Variants in PPFIA1 observed in about 807,000 individuals in gnomAD.
The protein encoded by PPFIA1 is liprin-alpha-1.
A neutral mutation model predicts 149.9 loss-of-function variants in PPFIA1; 25 were observed. The observed-to-expected ratio is 0.17, with a 90% CI of 0.12 to 0.23. The LOEUF (loss-of-function observed/expected upper bound fraction) is 0.23. Among genes scored for constraint, PPFIA1 ranks in the 10% least tolerant of loss-of-function variants. The pLI is 1.00. For missense variants in PPFIA1, 1,362 were observed against 1,506.5 expected, an observed-to-expected ratio of 0.90 and a Z score of 1.59; for synonymous variants, 549 against 552.8, an observed-to-expected ratio of 0.99 and a Z score of 0.10.
chr11:70,282,070 G>C (rs577040549), intron 2 of PPFIA1, among the ~76,000 whole-genome samples: 2 of 151,240 alleles, frequency 1.3e-5, no homozygotes, highest in African/African-American at 2.4e-5. Flanking sequence ...TCATGACATT[G>C]TCCAGTTTCT....
rs142257051 is a variant in PPFIA1, at chr11:70,339,063, C to T, written c.1572-108C>T. On this transcript the variant is annotated intron_variant, in intron 13 of 27. Coordinates refer to ENST00000253925, the MANE Select transcript of PPFIA1 (RefSeq NM_003626.5). ...GAGAGCAGTGCCCTCCCTGGAGACC[C>T]TTTCCTGTGTGGAATAACTTTTCCA... 98 of 1,369,828 alleles carry T rather than the reference C, an allele frequency of 7.2e-5. No individual in the cohort carries two copies. In the East Asian group the frequency reaches 2.2e-3, roughly 31 times the overall value. 84.9% of individuals were successfully genotyped at this position (1,369,828 alleles called of 1,614,324 possible). A position where few individuals can be genotyped will look rare whatever the true frequency, so the allele number is the denominator to read the frequency against.
At chr11:70,304,039 G>C (rs933585005) in intron 2 of PPFIA1, among the ~76,000 whole-genome samples, 1 of 152,112 alleles carries the variant, frequency 6.6e-6, no homozygotes, top group African/African-American at 2.4e-5. Context: ...GAAAAAAGGA[G>C]TGGTCACTGG....
At chr11:70,290,882 A>G (rs1217542588) in intron 2 of PPFIA1, among the ~76,000 whole-genome samples, 1 of 152,092 alleles carries the variant, frequency 6.6e-6, no homozygotes, top group African/African-American at 2.4e-5. Context: ...TGAGCGATTG[A>G]TCTCTTGAAA....
chr11:70,289,065 T>TCAAGC (rs2051348503), intron 2 of PPFIA1, among the ~76,000 whole-genome samples: 1 of 150,846 alleles, frequency 6.6e-6, no homozygotes, highest in East Asian at 1.9e-4. Context: ...CCTCCCGGGT[T>TCAAGC]CAAGCAATTC....
chr11:70,272,732 A>G (rs373668773), intron 2 of PPFIA1, among the ~76,000 whole-genome samples: 1 of 152,138 alleles, frequency 6.6e-6, no homozygotes, highest in Non-Finnish European at 1.5e-5. Flanking sequence ...GAAGCAACCA[A>G]TCTATTTGGT....
At chr11:70,375,875 T>C (rs1375448171) in intron 24 of PPFIA1, among the ~76,000 whole-genome samples, 2 of 152,136 alleles carry the variant, frequency 1.3e-5, no homozygotes, top group Non-Finnish European at 2.9e-5. Context: ...CTTGTTAATA[T>C]GACTCCAAGG....
intron 19 of PPFIA1, chr11:70,358,707 C>T (rs146544175): frequency 6.6e-6 from 1 of 152,346 alleles, no homozygotes; most frequent in African/African-American, 2.4e-5. Flanking sequence ...CAGCCAGATG[C>T]TTTCACTTAC....
intron 19 of PPFIA1, among the ~76,000 whole-genome samples, chr11:70,361,043 G>T (rs1272102688): frequency 6.6e-6 from 1 of 152,198 alleles, no homozygotes; most frequent in East Asian, 1.9e-4. Flanking sequence ...ACCTATGTTA[G>T]AGAGCATTAT....
At position 70,382,076 on chromosome 11, in the gene PPFIA1, C is replaced by T. The variant is rs377002422; in HGVS notation, c.3551-12C>T. ...TGTGTTTGCACGCTTCCTCTCGTGG[C>T]TGTTGAAACAGGCAATGTATCAGGA... On this transcript the variant is annotated splice_polypyrimidine_tract_variant and intron_variant, in intron 26 of 27. Coordinates refer to ENST00000253925, the MANE Select transcript of PPFIA1 (RefSeq NM_003626.5). 1.2e-5 allele frequency: 19 copies of T among 1,613,610 alleles called. No individual in the cohort carries two copies. The highest frequency in any genetic ancestry group is 1.6e-5 in the Non-Finnish European group (19 of 1,179,792).
intron 2 of PPFIA1, among the ~76,000 whole-genome samples, chr11:70,300,852 C>T (rs2052443735): frequency 6.6e-6 from 1 of 152,120 alleles, no homozygotes; most frequent in African/African-American, 2.4e-5. Flanking sequence ...TTTTAAAATG[C>T]TACCGGCTTT....
At chr11:70,374,596 T>A (rs1161614611) in intron 23 of PPFIA1, 1 of 266,034 alleles carries the variant, frequency 3.8e-6, no homozygotes, top group Non-Finnish European at 7.0e-6. Context: ...ACATGTTAGG[T>A]ATTCAAGTTC....
At chr11:70,290,633 C>T (rs993246399) in intron 2 of PPFIA1, among the ~76,000 whole-genome samples, 2 of 152,186 alleles carry the variant, frequency 1.3e-5, no homozygotes, top group Non-Finnish European at 1.5e-5. Context: ...ACTCTTTTCA[C>T]AGAGTCTCAT....
At chr11:70,336,505 C>A (rs1470230825) in intron 11 of PPFIA1, among the ~76,000 whole-genome samples, 390 of 122,800 alleles carry the variant, frequency 3.2e-3, no homozygotes, top group Middle Eastern at 9.0e-3. Flanking sequence ...GATCCTGTTT[C>A]AAAAAAAAAA....
At chr11:70,287,377 A>C (rs535905892) in intron 2 of PPFIA1, among the ~76,000 whole-genome samples, 2 of 152,098 alleles carry the variant, frequency 1.3e-5, no homozygotes, top group South Asian at 4.2e-4. Flanking sequence ...CTACTTGCCA[A>C]CTTCATTCTA....
At chr11:70,279,067 T>C in intron 2 of PPFIA1, 1 of 505,504 alleles carries the variant, frequency 2.0e-6, no homozygotes, top group Non-Finnish European at 3.8e-6. Context: ...TGCTTTACTG[T>C]GAAGTCTTTT....
chr11:70,353,143 A>C (rs1350418987), intron 16 of PPFIA1, among the ~76,000 whole-genome samples: 2 of 152,318 alleles, frequency 1.3e-5, no homozygotes, highest in Non-Finnish European at 2.9e-5. Flanking sequence ...CATTGAATGC[A>C]CTTGGTCCTC....
At chr11:70,333,227 A>G (rs3892505) in intron 9 of PPFIA1, 123,965 of 571,126 alleles carry the variant, frequency 0.22, 14,290 homozygotes, top group South Asian at 0.26. Flanking sequence ...TTGGGGGGAA[A>G]ACACCCAGTC....
intron 2 of PPFIA1, among the ~76,000 whole-genome samples, chr11:70,282,190 GGC>G (rs1366085285): frequency 6.6e-6 from 1 of 152,154 alleles, no homozygotes; most frequent in Non-Finnish European, 1.5e-5. Context: ...TTCCCGTCTT[GGC>G]CACTGTGTGG....
chr11:70,355,592 G>A (rs764061549), intron 17 of PPFIA1, 47 bp from the exon 18 acceptor site: 1 of 1,529,588 alleles, frequency 6.5e-7, no homozygotes, highest in Non-Finnish European at 8.8e-7. Context: ...AATATGTGAA[G>A]TATCCTACAA....
Sources: gnomAD v4.1 joint callset for allele counts (sites outside exome capture counted in the v4.1 genomes callset) on GRCh38, gnomAD v4.1.1 for gene constraint, MANE v1.5 for transcripts, NCBI Gene and HGNC (gene_info 2026-07-23, HGNC 2026-07-21) for gene names.